PARVB: variants seen among roughly 807,000 people sequenced by gnomAD.
PARVB encodes parvin beta, also known as beta-parvin.
PARVB carries 46 observed loss-of-function variants against 47.0 expected under a neutral mutation model. The observed-to-expected ratio is 0.98, with a 90% CI of 0.77 to 1.25. The LOEUF (loss-of-function observed/expected upper bound fraction) is 1.25. Among genes scored for constraint, PARVB ranks in the 50% most tolerant of loss-of-function variants. The probability of loss-of-function intolerance (pLI) is 0.00; values close to 1 mark genes in which losing one functional copy is unlikely to be tolerated. For missense variants in PARVB, 473 were observed against 471.6 expected (o/e 1.00, Z -0.03); for synonymous variants, 196 against 196.3 (o/e 1.00, Z 0.01).
intron 2 of PARVB, among the ~76,000 whole-genome samples, chr22:44,096,587 T>C (rs952778803): frequency 1.3e-5 from 2 of 152,168 alleles, no homozygotes; most frequent in Admixed American, 1.3e-4. Flanking sequence ...GTTGTATCAT[T>C]ATCCCCATTG....
At chr22:44,159,518 A>G (rs529634105) in intron 11 of PARVB, among the ~76,000 whole-genome samples, 1 of 152,294 alleles carries the variant, frequency 6.6e-6, no homozygotes, top group East Asian at 1.9e-4. Flanking sequence ...CAGGTATAGC[A>G]TGCAGCACAC....
At position 44,120,767 on chromosome 22, in the gene PARVB, C is replaced by T. The variant is rs533866747; in HGVS notation, c.376+1627C>T. ...CATAGCTCACTGCACCCTCAAACTC[C>T]TGGGCTCCAGTGATCCTCACACCTT... On this transcript the variant is annotated intron_variant, in intron 4 of 12. Coordinates refer to ENST00000338758, the MANE Select transcript of PARVB (RefSeq NM_013327.5). Among the ~76,000 whole-genome samples the T allele has an allele frequency of 3.3e-5, 5 of 152,140 alleles. 2 individuals carry two copies. Among genetic ancestry groups the T allele is most frequent in the African/African-American group, 1.2e-4 (5 of 41,502 alleles).
At chr22:44,130,693 C>G (rs1212680033) in intron 4 of PARVB, among the ~76,000 whole-genome samples, 1 of 152,204 alleles carries the variant, frequency 6.6e-6, no homozygotes, top group Non-Finnish European at 1.5e-5. Context: ...TCAGTCCTCT[C>G]CCTTTTGGGA....
rs750103896 is a variant in PARVB at position 44,036,924 on chromosome 22, G to A, written c.112+12473G>A. Among the ~76,000 whole-genome samples the A allele has an allele frequency of 2.8e-4, 42 of 151,734 alleles. No individual in the cohort carries two copies. In the East Asian group the frequency reaches 4.1e-3, roughly 15 times the overall value. On this transcript the variant is annotated intron_variant, in intron 1 of 12. Transcript: ENST00000338758. ...GGCTTGAGCCCAGGAGATCAGGGCT[G>A]CAGTGAACCATGATTGCGCCACTGC...
chr22:43,999,715 T>C (rs760662190), intron 2 of PARVB: 3 of 1,415,966 alleles, frequency 2.1e-6, no homozygotes, highest in Non-Finnish European at 2.0e-6. Flanking sequence ...GGATGAGGGC[T>C]GGGTGCAGTG....
At chr22:44,088,517 G>A (rs986591390) in intron 1 of PARVB, among the ~76,000 whole-genome samples, 24 of 152,246 alleles carry the variant, frequency 1.6e-4, no homozygotes, top group African/African-American at 5.8e-4. Context: ...TGTTGCCCAG[G>A]CTGGAGTGAA....
rs2053719891 is a variant in PARVB at position 44,147,851 on chromosome 22, A to G, written c.713-10A>G. The G allele has an allele frequency of 2.5e-6, 4 of 1,613,562 alleles. No individual in the cohort carries two copies. In the East Asian group the frequency reaches 6.7e-5, roughly 27 times the overall value. ...AACGCTCCTTCGTGTCTCTCTTTGCATGTCCTCAGAGCGGGATGCCTTCGA... is the reference window on the plus strand; with the variant it reads ...AACGCTCCTTCGTGTCTCTCTTTGCGTGTCCTCAGAGCGGGATGCCTTCGA... On this transcript the variant is annotated splice_polypyrimidine_tract_variant and intron_variant, in intron 8 of 12. Coordinates refer to ENST00000338758, the MANE Select transcript of PARVB (RefSeq NM_013327.5).
At chr22:44,122,620 C>T in intron 4 of PARVB, among the ~76,000 whole-genome samples, 1 of 144,112 alleles carries the variant, frequency 6.9e-6, no homozygotes, top group African/African-American at 2.5e-5. Flanking sequence ...GGTCTCACTG[C>T]TTTCTCTCCC....
chr22:44,028,041 A>C (rs1021117434), intron 1 of PARVB, among the ~76,000 whole-genome samples: 2 of 151,602 alleles, frequency 1.3e-5, no homozygotes, highest in Non-Finnish European at 2.9e-5. Flanking sequence ...AAGTGTCCCC[A>C]CCTATCCCTT....
At chr22:44,010,623 A>G (rs540780340) in intron 2 of PARVB, 5 of 152,300 alleles carry the variant, frequency 3.3e-5, no homozygotes, top group African/African-American at 1.2e-4. Context: ...GTTGTTTTCA[A>G]ACATCGGTTT....
At chr22:44,099,529 C>CT (rs898235235) in intron 2 of PARVB, among the ~76,000 whole-genome samples, 17 of 151,374 alleles carry the variant, frequency 1.1e-4, no homozygotes, top group Admixed American at 5.9e-4. Context: ...CCCCCCCCAC[C>CT]TTTTTTTTTG....
At chr22:44,121,174 A>AT (rs1182548843) in intron 4 of PARVB, among the ~76,000 whole-genome samples, 11 of 151,804 alleles carry the variant, frequency 7.2e-5, no homozygotes, top group Admixed American at 3.9e-4. Context: ...TTTAAATTTC[A>AT]TTTTTTTGTG....
intron 3 of PARVB, 122 bp from the exon 4 acceptor site, chr22:44,118,916 C>G: frequency 1.4e-6 from 1 of 714,934 alleles, no homozygotes; most frequent in Non-Finnish European, 2.5e-6. Flanking sequence ...TGTCCCTGTA[C>G]TTGCTGTGGT....
At chr22:44,043,738 TA>T (rs34858261) in intron 1 of PARVB, among the ~76,000 whole-genome samples, 2 of 152,088 alleles carry the variant, frequency 1.3e-5, no homozygotes, top group African/African-American at 4.8e-5. Flanking sequence ...ATAAAGCTGG[TA>T]AAAAAAATAG....
intron 1 of PARVB, among the ~76,000 whole-genome samples, chr22:44,071,129 C>T (rs2051646002): frequency 6.6e-6 from 1 of 152,176 alleles, no homozygotes; most frequent in African/African-American, 2.4e-5. Context: ...ACTGAGCGCT[C>T]TGTCCCCTCC....
At chr22:44,053,509 G>A (rs2051249969) in intron 1 of PARVB, among the ~76,000 whole-genome samples, 1 of 152,200 alleles carries the variant, frequency 6.6e-6, no homozygotes, top group Admixed American at 6.5e-5. Context: ...GGATGCCTGG[G>A]AAAGCCCAGA....
chr22:44,147,760 C>A, intron 8 of PARVB, 101 bp from the exon 9 acceptor site: 1 of 930,938 alleles, frequency 1.1e-6, no homozygotes, highest in Non-Finnish European at 1.8e-6. Flanking sequence ...GGAGTTGAGG[C>A]TGAACCTCCT....
intron 1 of PARVB, among the ~76,000 whole-genome samples, chr22:44,064,052 C>T (rs1365648543): frequency 1.3e-5 from 2 of 152,204 alleles, no homozygotes; most frequent in Admixed American, 1.3e-4. Context: ...TCATGCCCTG[C>T]CATGCTGCCA....
At position 44,100,118 on chromosome 22, in the gene PARVB, G is replaced by C; in HGVS notation, c.268G>C (p.Val90Leu). 6.2e-7 allele frequency: 1 copy of C among 1,613,084 alleles called. No homozygotes were observed. The highest frequency in any genetic ancestry group is 8.5e-7 in the Non-Finnish European group (1 of 1,179,036). ...GGAAGACCCCAAGTTCAAGGAACTG[G>C]TCAAGGTAAGGAGCTCCGTCTTGGT... ...SKEDPKFKELVKVLLDWINDV... is the reference protein window; with the variant it reads ...SKEDPKFKELLKVLLDWINDV... Residue 90 changes from valine (V) to leucine (L), a missense_variant, in exon 3 of 13, where the codon GTC (valine) becomes CTC (leucine). By Grantham distance (32) the Val-to-Leu change is conservative. Transcript: ENST00000338758.
Sources: gnomAD v4.1 joint callset for allele counts (sites outside exome capture counted in the v4.1 genomes callset) on GRCh38, gnomAD v4.1.1 for gene constraint, MANE v1.5 for transcripts, NCBI Gene and HGNC (gene_info 2026-07-23, HGNC 2026-07-21) for gene names.